RYR2: variants seen among roughly 807,000 people sequenced by gnomAD.
RYR2 encodes ryanodine receptor 2, also known as cardiac muscle ryanodine receptor-calcium release channel.
A neutral mutation model predicts 601.1 loss-of-function variants in RYR2; 227 were observed. The observed-to-expected ratio is 0.38, with a 90% CI of 0.34 to 0.42. The LOEUF is 0.42. RYR2 is among the 10% of genes least tolerant of loss of function. The pLI is 1.00. For synonymous variants in RYR2, 2,223 were observed against 2,175.1 expected, an observed-to-expected ratio of 1.02 and a Z score of -0.61; for missense variants, 4,646 against 6,156.5, an observed-to-expected ratio of 0.75 and a Z score of 8.21.
chr1:237,072,275 A>G (rs879424802), intron 1 of RYR2, among the ~76,000 whole-genome samples: 14 of 152,230 alleles, frequency 9.2e-5, no homozygotes, highest in East Asian at 1.9e-4. Context: ...CACCGCCGCC[A>G]TCACTGGGAT....
intron 3 of RYR2, among the ~76,000 whole-genome samples, chr1:237,335,857 A>C (rs1369913417): frequency 2.0e-5 from 3 of 152,206 alleles, no homozygotes; most frequent in South Asian, 2.1e-4. Flanking sequence ...CCGCTATGTA[A>C]GTTATGGATG....
chr1:237,743,588 T>C, intron 80 of RYR2: 1 of 518,870 alleles, frequency 1.9e-6, no homozygotes, highest in South Asian at 1.4e-5. Flanking sequence ...CTTGTCCTCA[T>C]CCTTCCTTAA....
chr1:237,487,611 C>T (rs542575256), intron 17 of RYR2, among the ~76,000 whole-genome samples: 33 of 150,118 alleles, frequency 2.2e-4, no homozygotes, highest in African/African-American at 6.6e-4. Context: ...TAGTCCCAGC[C>T]ACTCAGGAGG....
chr1:237,744,144 G>A (rs1691855690), intron 80 of RYR2, among the ~76,000 whole-genome samples: 1 of 152,134 alleles, frequency 6.6e-6, no homozygotes, highest in African/African-American at 2.4e-5. Flanking sequence ...GGAAGAACTA[G>A]ATGACTATTT....
At chr1:237,828,469 A>T (rs761422091) in intron 102 of RYR2, 24 bp downstream of exon 102, 2 of 1,514,030 alleles carry the variant, frequency 1.3e-6, no homozygotes, top group Non-Finnish European at 1.8e-6. Flanking sequence ...TTCATGACTC[A>T]GCTTCTTTGT....
chr1:237,421,334 A>C (rs1464035669), intron 11 of RYR2, among the ~76,000 whole-genome samples: 1 of 152,198 alleles, frequency 6.6e-6, no homozygotes, highest in African/African-American at 2.4e-5. Flanking sequence ...GAGGATTTTA[A>C]AAAGCTTGTT....
rs148842766 is a variant in RYR2, at chr1:237,535,872, T to A, written c.2906+5362T>A. On this transcript the variant is annotated intron_variant, in intron 25 of 104. Coordinates refer to ENST00000366574, the MANE Select transcript of RYR2 (RefSeq NM_001035.3). Reference sequence around the variant, plus strand: ...AATGTATTTAGAAATAAATAATTCATAAGATTTTTTTATTTATAAGCATAT... The same window carrying A: ...AATGTATTTAGAAATAAATAATTCAAAAGATTTTTTTATTTATAAGCATAT... Among the ~76,000 whole-genome samples the A allele has an allele frequency of 7.7e-3, 1,175 of 152,348 alleles. 7 individuals carry two copies. The highest frequency in any genetic ancestry group is 0.012 in the Non-Finnish European group (786 of 68,028).
chr1:237,302,365 A>G (rs1452761148), intron 2 of RYR2, among the ~76,000 whole-genome samples: 1 of 152,202 alleles, frequency 6.6e-6, no homozygotes, highest in East Asian at 1.9e-4. Context: ...TATGGTAAAA[A>G]ATTCAAATAG....
In RYR2 at chr1:237,784,963, A is replaced by T. The variant is rs1178817817; in HGVS notation, c.13251A>T (p.Glu4417Asp). The T allele has an allele frequency of 6.3e-7, 1 of 1,585,098 alleles. No individual in the cohort carries two copies. Among genetic ancestry groups the T allele is most frequent in the Non-Finnish European group, 8.6e-7 (1 of 1,165,240 alleles). Residue 4417 changes from glutamate to aspartate, a missense_variant, in exon 90 of 105, where the codon GAA becomes GAT. Around this residue, in one of 17 missense-constraint regions of RYR2, gnomAD observed 364 missense variants for 442.9 expected, o/e 0.82. Transcript: ENST00000366574. This position sits in a 1 kb window ranked among gnomAD's most constrained non-coding sequence, Gnocchi z 7.1. ...CAGTCCCCATGCCTGAGGTGCAGGAAAAATTTCAGGTAATTTATCTCTAAG... is the reference window on the plus strand; with the variant it reads ...CAGTCCCCATGCCTGAGGTGCAGGATAAATTTCAGGTAATTTATCTCTAAG... The part of the protein sequence containing the change: ...SNPVPMPEVQ[E>D]KFQEQKAKEE...
At chr1:237,767,659 T>C (rs997465131) in intron 84 of RYR2, among the ~76,000 whole-genome samples, 1 of 152,194 alleles carries the variant, frequency 6.6e-6, no homozygotes, top group Non-Finnish European at 1.5e-5. Context: ...ATATTAACTG[T>C]AAGCTTATTT....
rs745511565 is a variant in RYR2 at position 237,566,592 on chromosome 1, C to A, written c.3240C>A (p.Gly1080=). 1 of 1,613,940 alleles carries A rather than the reference C, an allele frequency of 6.2e-7. No individual in the cohort carries two copies. Among genetic ancestry groups the A allele is most frequent in the South Asian group, 1.1e-5 (1 of 91,076 alleles). The part of the protein sequence containing the change: ...DHAARAEVCS[G]TGERFRIFRA... The stretch of plus-strand genomic sequence containing the variant: ...CAGCCAGAGCCGAAGTGTGCAGCGG[C>A]ACCGGGGAAAGGTTCCGAATCTTCC... The change falls in exon 28 of 105, where the codon GGC becomes GGA. Residue 1080 remains glycine (G), a synonymous_variant. Transcript: ENST00000366574.
chr1:237,749,921 G>T (rs929844878), intron 80 of RYR2, among the ~76,000 whole-genome samples: 6 of 152,226 alleles, frequency 3.9e-5, no homozygotes, highest in African/African-American at 1.4e-4. Flanking sequence ...CGAGGTGGGT[G>T]GATCACCTGA....
chr1:237,334,766 G>A (rs1456889440), intron 3 of RYR2, among the ~76,000 whole-genome samples: 1 of 151,992 alleles, frequency 6.6e-6, no homozygotes, highest in African/African-American at 2.4e-5. Context: ...ATAACTTGTC[G>A]CTTGCAGATC....
intron 90 of RYR2, among the ~76,000 whole-genome samples, 192 bp downstream of exon 90, chr1:237,785,164 A>T (rs1695448876): frequency 1.3e-5 from 2 of 152,172 alleles, no homozygotes; most frequent in Admixed American, 1.3e-4. Context: ...AATTATCTTA[A>T]ACTATTATGG....
At chr1:237,317,882 A>G (rs754472405) in intron 2 of RYR2, among the ~76,000 whole-genome samples, 3 of 152,170 alleles carry the variant, frequency 2.0e-5, no homozygotes, top group Non-Finnish European at 4.4e-5. Context: ...TATAGAGAGC[A>G]TACAGTTAGA....
intron 1 of RYR2, among the ~76,000 whole-genome samples, chr1:237,129,709 GA>G (rs1558288242): frequency 6.7e-6 from 1 of 149,690 alleles, no homozygotes; most frequent in Non-Finnish European, 1.5e-5. Flanking sequence ...ATAGTATAAT[GA>G]TACATATATA....
intron 1 of RYR2, among the ~76,000 whole-genome samples, chr1:237,260,832 A>G (rs537410449): frequency 6.6e-6 from 1 of 152,336 alleles, no homozygotes; most frequent in South Asian, 2.1e-4. Context: ...CTTAAAGGTC[A>G]TGGAACAATG....
At chr1:237,146,763 C>T (rs144733518) in intron 1 of RYR2, among the ~76,000 whole-genome samples, 1 of 152,116 alleles carries the variant, frequency 6.6e-6, no homozygotes, top group Admixed American at 6.5e-5. Context: ...TTAAGTATTA[C>T]CCTCATCTAT....
At chr1:237,119,226 C>A (rs995018134) in intron 1 of RYR2, among the ~76,000 whole-genome samples, 18 of 152,064 alleles carry the variant, frequency 1.2e-4, no homozygotes, top group Admixed American at 5.2e-4. Context: ...TATGAGGACA[C>A]GGGGAGTAGA....
Sources: gnomAD v4.1 joint callset for allele counts (sites outside exome capture counted in the v4.1 genomes callset) on GRCh38, gnomAD v4.1.1 for gene constraint, gnomAD v4.1.1 regional missense constraint, Gnocchi (gnomAD v3.1) non-coding constraint, MANE v1.5 for transcripts, NCBI Gene and HGNC (gene_info 2026-07-23, HGNC 2026-07-21) for gene names.